Variants in IL23R observed in about 807,000 individuals in gnomAD.
IL23R encodes interleukin-23 receptor.
In IL23R, 34 loss-of-function variants were observed where a neutral mutation model predicts 56.9. That is an observed-to-expected ratio of 0.60 (90% CI 0.45 to 0.80). IL23R has a LOEUF of 0.80. Among genes scored for constraint, IL23R ranks in the 30% least tolerant of loss-of-function variants. The pLI, the probability that IL23R is intolerant of heterozygous loss-of-function variation, is 0.00. For synonymous variants in IL23R, 230 were observed against 249.2 expected (o/e 0.92, Z 0.73); for missense variants, 635 against 730.0 (o/e 0.87, Z 1.50).
intron 7 of IL23R, among the ~76,000 whole-genome samples, chr1:67,235,183 C>A (rs1013220215): frequency 4.6e-5 from 7 of 152,132 alleles, no homozygotes; most frequent in Admixed American, 2.0e-4. Flanking sequence ...AGAGACTTAG[C>A]GAGGCATTGA....
rs771085299 is a variant in IL23R, at chr1:67,169,352, T to C, written c.81T>C (p.Asn27=). ...TCCATTTATTTCTAGGAATTACAAATATAAACTGCTCTGGCCACATCTGGG... is the reference window on the plus strand; with the variant it reads ...TCCATTTATTTCTAGGAATTACAAACATAAACTGCTCTGGCCACATCTGGG... ...LFSWCHGGIT[N]INCSGHIWVE... is the part of the protein sequence containing the mutation. The change falls in exon 3 of 11, where the codon AAT becomes AAC. Residue 27 remains asparagine (N), a synonymous_variant. Transcript: ENST00000347310. 1.9e-6 allele frequency: 3 copies of C among 1,608,364 alleles called. No individual in the cohort carries two copies. Among genetic ancestry groups the C allele is most frequent in the Non-Finnish European group, 2.6e-6 (3 of 1,176,442 alleles).
At chr1:67,190,826 T>C (rs1647683569) in intron 4 of IL23R, among the ~76,000 whole-genome samples, 1 of 152,236 alleles carries the variant, frequency 6.6e-6, no homozygotes, top group African/African-American at 2.4e-5. Flanking sequence ...AGTATCATGT[T>C]AGAGCCCTTA....
Position 67,175,185 on chromosome 1 carries a change from A to G in IL23R, c.367+5547A>G, listed in dbSNP as rs900073152. Among the ~76,000 whole-genome samples, 7 of 152,240 alleles carry G rather than the reference A, an allele frequency of 4.6e-5. 1 individual carries two copies. In the South Asian group the frequency reaches 1.0e-3, roughly 23 times the overall value. On this transcript the variant is annotated intron_variant, in intron 3 of 10. Coordinates refer to ENST00000347310, the MANE Select transcript of IL23R (RefSeq NM_144701.3). Reference sequence around the variant, plus strand: ...TCTCAAGAGGGAAAGACGCTAGCCAATGAAAAATAAAAATGTTTGCCATAA... The same window carrying G: ...TCTCAAGAGGGAAAGACGCTAGCCAGTGAAAAATAAAAATGTTTGCCATAA...
intron 8 of IL23R, among the ~76,000 whole-genome samples, chr1:67,239,471 C>T (rs1039053724): frequency 6.6e-6 from 1 of 152,114 alleles, no homozygotes; most frequent in Non-Finnish European, 1.5e-5. Context: ...CACTTTGTTG[C>T]CCAGGTTGGT....
chr1:67,188,945 G>T (rs1261657846), intron 4 of IL23R, among the ~76,000 whole-genome samples: 1 of 151,936 alleles, frequency 6.6e-6, no homozygotes, highest in Non-Finnish European at 1.5e-5. Flanking sequence ...CTATAGCAAA[G>T]GATATTATAA....
upstream of IL23R, among the ~76,000 whole-genome samples, chr1:67,165,493 G>T (rs557859326): frequency 6.6e-6 from 1 of 152,256 alleles, no homozygotes; most frequent in South Asian, 2.1e-4. Flanking sequence ...AATGAAATCA[G>T]CACCATGAGA....
At position 67,240,163 on chromosome 1, in the gene IL23R, T is replaced by C. The variant is rs1476491365; in HGVS notation, c.1046-16T>C. On this transcript the variant is annotated splice_polypyrimidine_tract_variant and intron_variant, in intron 8 of 10. Transcript: ENST00000347310. Reference sequence around the variant, plus strand: ...ACTAATGCTTGGTTAAAATTATTTTTCTTTCCTTTCATTAGACAACAGAGG... The same window carrying C: ...ACTAATGCTTGGTTAAAATTATTTTCCTTTCCTTTCATTAGACAACAGAGG... The C allele has an allele frequency of 5.9e-6, 9 of 1,513,938 alleles. No homozygotes were observed. The highest frequency in any genetic ancestry group is 8.3e-6 in the Non-Finnish European group (9 of 1,089,116). The allele number at this position is 1,513,938 out of a possible 1,614,324, so 93.8% of individuals were successfully genotyped here.
At chr1:67,219,509 C>T (rs1650101794) in intron 6 of IL23R, 65 bp from the exon 7 acceptor site, 1 of 1,487,696 alleles carries the variant, frequency 6.7e-7, no homozygotes. Context: ...CCATACATTT[C>T]TGCTAAATAA....
chr1:67,227,940 A>ATCTTTCTTTC lies in IL23R; in HGVS notation c.955+8212_955+8221dup, dbSNP rs1490344663. 5.1e-3 allele frequency among the ~76,000 whole-genome samples: 190 copies of ATCTTTCTTTC among 37,486 alleles called. 16 individuals are homozygous for ATCTTTCTTTC. In the East Asian group the frequency reaches 0.097, roughly 19 times the overall value. 24.6% of individuals were successfully genotyped at this position (37,486 alleles called of 152,430 possible). A position where few individuals can be genotyped will look rare whatever the true frequency, so the allele number is the denominator to read the frequency against. On this transcript the variant is annotated intron_variant, in intron 7 of 10. Coordinates refer to ENST00000347310, the MANE Select transcript of IL23R (RefSeq NM_144701.3). ...TGCAACCTATTACTACAGAACAAAG[A>ATCTTTCTTTC]TCTTTCTTTCTTTCTTTCTTTCTTT...
chr1:67,196,141 T>A (rs1053150179), intron 4 of IL23R: 1 of 152,198 alleles, frequency 6.6e-6, no homozygotes, highest in African/African-American at 2.4e-5. Flanking sequence ...CAGGTTAGAG[T>A]CTGCCTCAAC....
chr1:67,211,513 C>T (rs1158552562), intron 6 of IL23R, among the ~76,000 whole-genome samples: 1 of 151,990 alleles, frequency 6.6e-6, no homozygotes, highest in Non-Finnish European at 1.5e-5. Flanking sequence ...ATCCCAGCTA[C>T]TCAGAAGGCT....
At chr1:67,145,256 A>T (rs1395665766) in intron 1 of IL23R, among the ~76,000 whole-genome samples, 1 of 152,196 alleles carries the variant, frequency 6.6e-6, no homozygotes, top group Non-Finnish European at 1.5e-5. Context: ...CTGAGGCAGG[A>T]GGATCACTTG....
chr1:67,146,705 A>G (rs1646682706), intron 1 of IL23R, among the ~76,000 whole-genome samples: 2 of 152,350 alleles, frequency 1.3e-5, no homozygotes, highest in South Asian at 4.1e-4. Flanking sequence ...ATCCAAGAAT[A>G]TGAACCCTAC....
chr1:67,156,525 T>C (rs1359013572), intron 1 of IL23R, among the ~76,000 whole-genome samples: 1 of 152,110 alleles, frequency 6.6e-6, no homozygotes, highest in Non-Finnish European at 1.5e-5. Context: ...TGAGGAGGAA[T>C]CTAGAGAAGC....
rs1449886799 is a variant in IL23R at position 67,255,947 on chromosome 1, C to G, written c.1239+20C>G. The G allele has an allele frequency of 7.0e-7, 1 of 1,438,552 alleles. No homozygotes were observed. The highest frequency in any genetic ancestry group is 1.8e-4 in the Middle Eastern group (1 of 5,692). 89.1% of individuals were successfully genotyped at this position (1,438,552 alleles called of 1,614,324 possible). A position where few individuals can be genotyped will look rare whatever the true frequency, so the allele number is the denominator to read the frequency against. On this transcript the variant is annotated intron_variant, in intron 10 of 10. Coordinates refer to ENST00000347310, the MANE Select transcript of IL23R (RefSeq NM_144701.3). ...CTACAGGTAACCTAACATCATCCAA[C>G]AAAAACTGAGTGGCAATTGAGACCA...
chr1:67,185,748 T>G (rs542396577), intron 4 of IL23R, among the ~76,000 whole-genome samples: 17 of 152,310 alleles, frequency 1.1e-4, no homozygotes, highest in African/African-American at 3.1e-4. Context: ...TACATGCCAT[T>G]GGCAAGAGGC....
chr1:67,199,303 G>T (rs1648426808), intron 4 of IL23R, among the ~76,000 whole-genome samples: 1 of 152,130 alleles, frequency 6.6e-6, no homozygotes, highest in South Asian at 2.1e-4. Context: ...GAACATGCTG[G>T]TTGTCTCTGT....
chr1:67,222,622 G>A (rs974670847), intron 7 of IL23R, among the ~76,000 whole-genome samples: 3 of 151,866 alleles, frequency 2.0e-5, no homozygotes, highest in South Asian at 2.1e-4. Flanking sequence ...TATCATTTAC[G>A]AAGTACTCCT....
At position 67,259,015 on chromosome 1, in the gene IL23R, G is replaced by A. The variant is rs200877860; in HGVS notation, c.1777G>A (p.Glu593Lys). Residue 593 changes from glutamate (E) to lysine (K), a missense_variant, in exon 11 of 11, where the codon GAA becomes AAA. Glu to Lys is a moderately conservative substitution (Grantham distance 56). Transcript: ENST00000347310. ...TIPEQTLLPD[E>K]FVSCLGIVNE... ...TCCAGAACAGACCCTGCTTCCTGAT[G>A]AATTTGTCTCCTGTTTGGGGATCGT... The A allele has an allele frequency of 1.7e-5, 28 of 1,613,902 alleles. No individual in the cohort carries two copies. The highest frequency in any genetic ancestry group is 2.3e-5 in the Non-Finnish European group (27 of 1,179,986).
Sources: gnomAD v4.1 joint callset for allele counts (sites outside exome capture counted in the v4.1 genomes callset) on GRCh38, gnomAD v4.1.1 for gene constraint, MANE v1.5 for transcripts, NCBI Gene and HGNC (gene_info 2026-07-23, HGNC 2026-07-21) for gene names.